The following SNTG2 variants were observed in gnomAD, a reference collection of about 807,000 sequenced individuals.
SNTG2 encodes the protein syntrophin gamma 2.
A neutral mutation model predicts 70.9 loss-of-function variants in SNTG2; 74 were observed. That is an observed-to-expected ratio of 1.04 (90% confidence interval 0.86 to 1.27). The LOEUF (loss-of-function observed/expected upper bound fraction) is 1.27. Among genes scored for constraint, SNTG2 ranks in the 50% most tolerant of loss-of-function variants. The pLI is 0.00. For synonymous variants in SNTG2, 278 were observed against 273.8 expected, an observed-to-expected ratio of 1.02 and a Z score of -0.15; for missense variants, 717 against 690.7, an observed-to-expected ratio of 1.04 and a Z score of -0.43.
At chr2:1,116,742 A>G (rs1466475476) in intron 4 of SNTG2, among the ~76,000 whole-genome samples, 224 of 54,848 alleles carry the variant, frequency 4.1e-3, no homozygotes, top group Middle Eastern at 0.026. Flanking sequence ...GCCCTGGTGT[A>G]TGGGTGCCGT....
chr2:997,983 C>G (rs1370272670), intron 1 of SNTG2, among the ~76,000 whole-genome samples: 6 of 152,130 alleles, frequency 3.9e-5, no homozygotes, highest in Non-Finnish European at 5.9e-5. Flanking sequence ...AGGCTGTTAG[C>G]CTACTCACCT....
chr2:1,321,732 G>A (rs1019505461), intron 16 of SNTG2, among the ~76,000 whole-genome samples: 1 of 152,126 alleles, frequency 6.6e-6, no homozygotes, highest in Non-Finnish European at 1.5e-5. Flanking sequence ...TCATGCAGAC[G>A]GATATCAAAA....
In SNTG2 at chr2:1,014,664, CAG is replaced by C. The variant is rs557598761; in HGVS notation, c.72+63602_72+63603del. Among the ~76,000 whole-genome samples the C allele has an allele frequency of 7.7e-4, 106 of 137,300 alleles. 2 individuals are homozygous for C. The highest frequency in any genetic ancestry group is 2.9e-3 in the African/African-American group (105 of 36,250). The allele number at this position is 137,300 out of a possible 152,430, so 90.1% of individuals were successfully genotyped here. A position where few individuals can be genotyped will look rare whatever the true frequency, so the allele number is the denominator to read the frequency against. On this transcript the variant is annotated intron_variant, in intron 1 of 16. Coordinates refer to ENST00000308624, the MANE Select transcript of SNTG2 (RefSeq NM_018968.4). ...TGGTCTGTAGAGGGATTTATATGGG[CAG>C]AGAGAAGGGTGGTCTGTAGAGGGAT...
chr2:1,141,339 A>C (rs1668736363), intron 6 of SNTG2, among the ~76,000 whole-genome samples: 1 of 152,216 alleles, frequency 6.6e-6, no homozygotes, highest in Non-Finnish European at 1.5e-5. Context: ...CCGGAACACA[A>C]AGTATGCTAT....
intron 16 of SNTG2, chr2:1,341,630 A>C (rs563751980): frequency 6.6e-6 from 1 of 152,346 alleles, no homozygotes; most frequent in South Asian, 2.1e-4. Flanking sequence ...CTGGGGAGGC[A>C]GTCTTAAGAC....
intron 1 of SNTG2, among the ~76,000 whole-genome samples, chr2:1,001,245 A>G (rs573421492): frequency 1.3e-5 from 2 of 152,194 alleles, no homozygotes; most frequent in Admixed American, 6.5e-5. Context: ...CCTATTCAAC[A>G]TAGTACTGAA....
rs550667257 is a variant in SNTG2, at chr2:1,234,627, G to A, written c.720-3261G>A. 1.2e-4 allele frequency among the ~76,000 whole-genome samples: 19 copies of A among 152,282 alleles called. 1 individual carries two copies. The highest frequency in any genetic ancestry group is 6.2e-4 in the South Asian group (3 of 4,820). ...GCATAAACGTGCCTGGACTGCAGAC[G>A]CCTTCCTTTTTATTGCAGGACACAG... On this transcript the variant is annotated intron_variant, in intron 9 of 16. Transcript: ENST00000308624.
intron 6 of SNTG2, among the ~76,000 whole-genome samples, 175 bp downstream of exon 6, chr2:1,137,984 C>T (rs1300316118): frequency 2.6e-5 from 4 of 152,200 alleles, no homozygotes; most frequent in Non-Finnish European, 4.4e-5. Flanking sequence ...TGCCCACTGT[C>T]GACTGTTGTG....
chr2:1,026,978 C>T (rs1660512036), intron 1 of SNTG2, among the ~76,000 whole-genome samples: 1 of 152,226 alleles, frequency 6.6e-6, no homozygotes, highest in Non-Finnish European at 1.5e-5. Flanking sequence ...GGTTCTTCCA[C>T]AGTAACTTGG....
intron 8 of SNTG2, among the ~76,000 whole-genome samples, chr2:1,178,069 A>G (rs1572654401): frequency 6.6e-6 from 1 of 152,198 alleles, no homozygotes; most frequent in Non-Finnish European, 1.5e-5. Context: ...AAATTTTTTA[A>G]AAGACTCAAA....
chr2:953,701 G>A (rs1221104964), intron 1 of SNTG2, among the ~76,000 whole-genome samples: 1 of 152,186 alleles, frequency 6.6e-6, no homozygotes, highest in Non-Finnish European at 1.5e-5. Context: ...ACTTTACCAG[G>A]AGACATGGAG....
intron 4 of SNTG2, among the ~76,000 whole-genome samples, chr2:1,104,438 T>A (rs1005423898): frequency 6.6e-6 from 1 of 152,208 alleles, no homozygotes; most frequent in African/African-American, 2.4e-5. Flanking sequence ...ATTTGATTAA[T>A]TCTCTCAAGA....
chr2:1,045,511 G>A (rs1277228252), intron 1 of SNTG2, among the ~76,000 whole-genome samples: 1 of 151,902 alleles, frequency 6.6e-6, no homozygotes, highest in Non-Finnish European at 1.5e-5. Flanking sequence ...TTTGATTTGG[G>A]TGTTTAGCAC....
At chr2:1,006,250 A>G (rs925317848) in intron 1 of SNTG2, among the ~76,000 whole-genome samples, 3 of 151,792 alleles carry the variant, frequency 2.0e-5, no homozygotes, top group Non-Finnish European at 4.4e-5. Context: ...AGCATGGCAC[A>G]TGTATACATA....
rs918008944 is a variant in SNTG2, at chr2:1,353,387, C to T, written c.1489-13956C>T. Among the ~76,000 whole-genome samples, 16 of 152,156 alleles carry T rather than the reference C, an allele frequency of 1.1e-4. No individual in the cohort carries two copies. The highest frequency in any genetic ancestry group is 3.6e-4 in the African/African-American group (15 of 41,430). ...GCACCGCAAGTGTGGAATTGAGTTC[C>T]GGGGTGTGGCTGTTCCTCGTGATTG... On this transcript the variant is annotated intron_variant, in intron 16 of 16. Transcript: ENST00000308624. The surrounding 1 kb of genome is among the most constrained non-coding windows in gnomAD (Gnocchi z 4.2).
At chr2:1,061,751 T>C (rs1263376358) in intron 1 of SNTG2, among the ~76,000 whole-genome samples, 2 of 152,218 alleles carry the variant, frequency 1.3e-5, no homozygotes, top group African/African-American at 4.8e-5. Context: ...TGTTGCTGGA[T>C]AACGTGTTAG....
intron 2 of SNTG2, among the ~76,000 whole-genome samples, chr2:1,083,970 G>C (rs185947388): frequency 6.6e-6 from 1 of 152,040 alleles, no homozygotes; most frequent in African/African-American, 2.4e-5. Flanking sequence ...GAATCCAGGA[G>C]GCGGAGGTTT....
At chr2:1,237,798 G>A (rs890105729) in intron 9 of SNTG2, 90 bp from the exon 10 acceptor site, 22 of 1,489,698 alleles carry the variant, frequency 1.5e-5, no homozygotes, top group Non-Finnish European at 2.0e-5. Flanking sequence ...GTCCAGGGTA[G>A]AGCCCTGCTG....
chr2:1,067,135 CAAA>C (rs35467522), intron 1 of SNTG2, among the ~76,000 whole-genome samples: 8 of 132,916 alleles, frequency 6.0e-5, no homozygotes, highest in Non-Finnish European at 4.9e-5. Flanking sequence ...AAGTCACTAG[CAAA>C]AAAAAAAAAA....
Sources: gnomAD v4.1 joint callset for allele counts (sites outside exome capture counted in the v4.1 genomes callset) on GRCh38, gnomAD v4.1.1 for gene constraint, Gnocchi (gnomAD v3.1) non-coding constraint, MANE v1.5 for transcripts, NCBI Gene and HGNC (gene_info 2026-07-23, HGNC 2026-07-21) for gene names.